Variants in GRIP1 observed in about 807,000 individuals in gnomAD.
The protein encoded by GRIP1 is glutamate receptor-interacting protein 1.
In GRIP1, 45 loss-of-function variants were observed where a neutral mutation model predicts 129.9. The ratio of observed to expected loss-of-function variants is 0.35; its 90% confidence interval spans 0.27 to 0.44. The LOEUF is 0.44. GRIP1 is among the 20% of genes least tolerant of loss of function. GRIP1 has a pLI of 1.00. For synonymous variants in GRIP1, 530 were observed against 520.8 expected (o/e 1.02, Z -0.24); for missense variants, 1,196 against 1,396.8 (o/e 0.86, Z 2.29).
intron 1 of GRIP1, among the ~76,000 whole-genome samples, chr12:66,630,630 C>T (rs1003458433): frequency 6.6e-6 from 1 of 152,142 alleles, no homozygotes; most frequent in East Asian, 1.9e-4. Flanking sequence ...GTTAGCTGTG[C>T]TATCATTATG....
chr12:67,048,090 T>C (rs576209154), intron 1 of GRIP1, among the ~76,000 whole-genome samples: 17 of 152,094 alleles, frequency 1.1e-4, no homozygotes, highest in African/African-American at 4.1e-4. Flanking sequence ...TCTGTATTCC[T>C]TGGGCCCACA....
At chr12:67,055,900 A>G (rs1247957170) in intron 1 of GRIP1, among the ~76,000 whole-genome samples, 1 of 152,204 alleles carries the variant, frequency 6.6e-6, no homozygotes, top group Non-Finnish European at 1.5e-5. Flanking sequence ...ATGACAGGAC[A>G]ACATGGAACT....
chr12:67,033,007 A>G (rs2043045118), intron 1 of GRIP1, among the ~76,000 whole-genome samples: 1 of 152,014 alleles, frequency 6.6e-6, no homozygotes, highest in Non-Finnish European at 1.5e-5. Flanking sequence ...TATGTACAGC[A>G]CATGTCAGTT....
chr12:66,718,088 C>A (rs944353245), intron 1 of GRIP1, among the ~76,000 whole-genome samples: 12 of 152,122 alleles, frequency 7.9e-5, no homozygotes, highest in African/African-American at 2.9e-4. Context: ...TCCTTCAAAT[C>A]CCCTAACTAG....
chr12:66,356,891 G>C (rs1330049602), intron 23 of GRIP1, among the ~76,000 whole-genome samples: 1 of 151,936 alleles, frequency 6.6e-6, no homozygotes, highest in Non-Finnish European at 1.5e-5. Context: ...AATTTTTTGA[G>C]ACAAGGTCTT....
At chr12:66,356,304 C>T (rs2054486092) in intron 23 of GRIP1, among the ~76,000 whole-genome samples, 1 of 152,214 alleles carries the variant, frequency 6.6e-6, no homozygotes, top group African/African-American at 2.4e-5. Flanking sequence ...GAAATAGCAA[C>T]TTGCCCAGGA....
At chr12:66,938,959 G>GA (rs950930105) in intron 1 of GRIP1, among the ~76,000 whole-genome samples, 62 of 145,930 alleles carry the variant, frequency 4.2e-4, no homozygotes, top group East Asian at 2.2e-3. Context: ...TGTCTCAAAA[G>GA]AAAAAAAAAA....
chr12:67,016,609 T>C (rs776871023), intron 1 of GRIP1, among the ~76,000 whole-genome samples: 10 of 152,092 alleles, frequency 6.6e-5, no homozygotes, highest in Non-Finnish European at 8.8e-5. Flanking sequence ...CACTTTATCT[T>C]AACTAGAGTT....
intron 1 of GRIP1, among the ~76,000 whole-genome samples, chr12:67,060,074 TAAG>T (rs1233616716): frequency 6.6e-6 from 1 of 152,202 alleles, no homozygotes; most frequent in East Asian, 1.9e-4. Flanking sequence ...ACAAAGAGTG[TAAG>T]AAGAACAAAT....
chr12:67,009,391 A>G (rs2042673092), intron 1 of GRIP1, among the ~76,000 whole-genome samples: 1 of 152,148 alleles, frequency 6.6e-6, no homozygotes, highest in South Asian at 2.1e-4. Flanking sequence ...AACTCATCTG[A>G]AGGCTGTATT....
chr12:66,560,688 A>T (rs762225977), intron 2 of GRIP1, among the ~76,000 whole-genome samples: 13 of 152,142 alleles, frequency 8.5e-5, no homozygotes, highest in Non-Finnish European at 1.5e-4. Flanking sequence ...GAGGACATGG[A>T]GAAAAGGGAA....
At chr12:66,605,493 T>C (rs886211704) in intron 1 of GRIP1, among the ~76,000 whole-genome samples, 3 of 152,166 alleles carry the variant, frequency 2.0e-5, no homozygotes, top group Non-Finnish European at 2.9e-5. Flanking sequence ...ATGACTTCAT[T>C]TGAAGAGGTC....
chr12:66,692,898 G>A (rs11176383), intron 1 of GRIP1, among the ~76,000 whole-genome samples: 8,849 of 152,148 alleles, frequency 0.058, 363 homozygotes, highest in East Asian at 0.2. Flanking sequence ...GAATTATTTC[G>A]TAAGTCATGA....
rs554673140 is a variant in GRIP1 at position 66,563,748 on chromosome 12, T to A, written c.137-21798A>T. On this transcript the variant is annotated intron_variant, in intron 2 of 24. Coordinates refer to ENST00000359742, the MANE Select transcript of GRIP1 (RefSeq NM_001366722.1). The stretch of plus-strand genomic sequence containing the variant: ...TTTTTTATGTTGTTGCAAATGGTAC[T>A]GCTTTTTAAATTTCCAATTATGCAT... The A allele has an allele frequency of 2.0e-5, 3 of 152,604 alleles. No individual in the cohort carries two copies. The East Asian group carries it at 5.8e-4, about 29-fold the overall frequency. 9.5% of individuals were successfully genotyped at this position (152,604 alleles called of 1,614,324 possible).
intron 1 of GRIP1, among the ~76,000 whole-genome samples, chr12:66,792,143 G>A (rs540987566): frequency 6.6e-6 from 1 of 152,284 alleles, no homozygotes; most frequent in South Asian, 2.1e-4. Flanking sequence ...CAAAGCAAAA[G>A]AACTGATTTG....
intron 1 of GRIP1, among the ~76,000 whole-genome samples, chr12:66,636,447 C>G (rs896277410): frequency 1.3e-5 from 2 of 152,146 alleles, no homozygotes; most frequent in Non-Finnish European, 1.5e-5. Context: ...AATGAGATAT[C>G]ATTTTATATC....
rs557663047 is a variant in GRIP1 at position 66,492,628 on chromosome 12, C to A, written c.724+22991G>T. Reference sequence around the variant, plus strand: ...TTAATCATAAAATAAATAAAATTTCCAATTTCCAATTAGAAGAATTTGATA... The same window carrying A: ...TTAATCATAAAATAAATAAAATTTCAAATTTCCAATTAGAAGAATTTGATA... On this transcript the variant is annotated intron_variant, in intron 7 of 24. Coordinates refer to ENST00000359742, the MANE Select transcript of GRIP1 (RefSeq NM_001366722.1). 4.6e-5 allele frequency among the ~76,000 whole-genome samples: 7 copies of A among 152,218 alleles called. No individual in the cohort carries two copies. The East Asian group carries it at 1.4e-3, about 29-fold the overall frequency.
At chr12:66,368,018 C>G (rs1258671337) in intron 23 of GRIP1, among the ~76,000 whole-genome samples, 1 of 152,142 alleles carries the variant, frequency 6.6e-6, no homozygotes, top group African/African-American at 2.4e-5. Context: ...CCCAGTGGAG[C>G]CTCAGATGCA....
intron 1 of GRIP1, among the ~76,000 whole-genome samples, chr12:66,841,828 A>G (rs998143871): frequency 1.3e-5 from 2 of 152,252 alleles, no homozygotes; most frequent in African/African-American, 4.8e-5. Context: ...AATGCCTAGC[A>G]CAAGGCTTAT....
Sources: allele counts gnomAD v4.1 joint callset (sites outside exome capture counted in the v4.1 genomes callset), GRCh38; gene constraint gnomAD v4.1.1; transcripts MANE v1.5; gene names NCBI Gene and HGNC (gene_info 2026-07-23, HGNC 2026-07-21).